Variants in TSHZ2 observed in about 807,000 individuals in gnomAD.
TSHZ2 encodes the protein teashirt zinc finger homeobox 2.
Under a neutral mutation model 74.4 loss-of-function variants are expected in TSHZ2, and 21 were observed. The ratio of observed to expected loss-of-function variants is 0.28; its 90% CI spans 0.20 to 0.41. TSHZ2 has a LOEUF of 0.41. Ranked by LOEUF, TSHZ2 falls within the 10% of genes least tolerant of loss-of-function variation. TSHZ2 has a pLI of 1.00. For synonymous variants in TSHZ2, 540 were observed against 515.3 expected (o/e 1.05, Z -0.65); for missense variants, 1,244 against 1,293.5 (o/e 0.96, Z 0.59).
intron 1 of TSHZ2, among the ~76,000 whole-genome samples, chr20:52,991,082 G>T (rs1237168974): frequency 6.6e-6 from 1 of 152,146 alleles, no homozygotes; most frequent in African/African-American, 2.4e-5. Context: ...TGTGTGTGTT[G>T]TGGCAGGGGA....
intron 2 of TSHZ2, among the ~76,000 whole-genome samples, chr20:53,466,498 C>T (rs1330046897): frequency 1.3e-5 from 2 of 152,102 alleles, no homozygotes; most frequent in Non-Finnish European, 2.9e-5. Flanking sequence ...ATGTTGTTGG[C>T]GGTTTGGACT....
intron 2 of TSHZ2, among the ~76,000 whole-genome samples, chr20:53,307,261 C>G (rs1205094881): frequency 6.6e-6 from 1 of 152,090 alleles, no homozygotes; most frequent in Admixed American, 6.5e-5. Context: ...ACTTCCCTTC[C>G]CTGCCACTTC....
intron 2 of TSHZ2, among the ~76,000 whole-genome samples, chr20:53,389,454 A>T (rs1265099856): frequency 6.6e-6 from 1 of 152,264 alleles, no homozygotes; most frequent in Non-Finnish European, 1.5e-5. Context: ...AGGGATGGTC[A>T]TGGAAGACTT....
At chr20:53,281,229 G>A (rs931635642) in intron 2 of TSHZ2, among the ~76,000 whole-genome samples, 2 of 152,158 alleles carry the variant, frequency 1.3e-5, no homozygotes, top group Admixed American at 6.5e-5. Flanking sequence ...TCTTTTCTGA[G>A]AAACTGACAT....
At chr20:53,236,333 G>A (rs571250540) in intron 1 of TSHZ2, among the ~76,000 whole-genome samples, 2 of 152,242 alleles carry the variant, frequency 1.3e-5, no homozygotes, top group Admixed American at 1.3e-4. Flanking sequence ...GTTTGTTATT[G>A]TTTGCTTACT....
chr20:53,483,624 G>T (rs1986217879), intron 2 of TSHZ2, among the ~76,000 whole-genome samples: 1 of 152,160 alleles, frequency 6.6e-6, no homozygotes, highest in Non-Finnish European at 1.5e-5. Flanking sequence ...GTATATTTGT[G>T]AATCTTAAAT....
intron 1 of TSHZ2, among the ~76,000 whole-genome samples, chr20:53,046,640 AAAAACAAAAC>A (rs569453476): frequency 6.6e-6 from 1 of 152,108 alleles, no homozygotes; most frequent in African/African-American, 2.4e-5. Flanking sequence ...TTTGATTAAA[AAAAACAAAAC>A]AAAACAAAAC....
chr20:53,129,814 C>A (rs932432713), intron 1 of TSHZ2, among the ~76,000 whole-genome samples: 28 of 148,492 alleles, frequency 1.9e-4, no homozygotes, highest in African/African-American at 6.8e-4. Flanking sequence ...TTTTCTGTGG[C>A]CAGCGCTGGC....
intron 2 of TSHZ2, chr20:53,398,082 A>T (rs1982522401): frequency 1.3e-5 from 2 of 152,344 alleles, no homozygotes; most frequent in South Asian, 4.1e-4. Flanking sequence ...ATACATATGT[A>T]ACAAACCTGC....
At chr20:53,417,656 A>G (rs943596042) in intron 2 of TSHZ2, among the ~76,000 whole-genome samples, 5 of 152,034 alleles carry the variant, frequency 3.3e-5, no homozygotes, top group African/African-American at 9.7e-5. Context: ...TCCCTTCATA[A>G]CCTATTCTAA....
intron 1 of TSHZ2, among the ~76,000 whole-genome samples, chr20:53,044,099 C>T (rs1201691783): frequency 6.6e-6 from 1 of 152,162 alleles, no homozygotes; most frequent in Non-Finnish European, 1.5e-5. Flanking sequence ...GGGTGAGTAT[C>T]CCTTGTTTGA....
At chr20:53,471,759 A>G (rs149927851) in intron 2 of TSHZ2, among the ~76,000 whole-genome samples, 60 of 149,048 alleles carry the variant, frequency 4.0e-4, no homozygotes, top group African/African-American at 1.4e-3. Context: ...AGGACATTAA[A>G]ACAAGTTTGT....
intron 2 of TSHZ2, among the ~76,000 whole-genome samples, chr20:53,361,627 G>A (rs559720549): frequency 1.3e-5 from 2 of 152,028 alleles, no homozygotes; most frequent in South Asian, 2.1e-4. Flanking sequence ...GAATAATATC[G>A]CCCTTAGTCA....
chr20:53,402,650 C>T (rs761497943), intron 2 of TSHZ2, among the ~76,000 whole-genome samples: 2 of 152,116 alleles, frequency 1.3e-5, no homozygotes, highest in Non-Finnish European at 2.9e-5. Context: ...ATGGGGTAAC[C>T]AAAGAGATCA....
At chr20:53,475,301 A>G (rs1985961542) in intron 2 of TSHZ2, among the ~76,000 whole-genome samples, 1 of 109,386 alleles carries the variant, frequency 9.1e-6, no homozygotes, top group South Asian at 3.5e-4. Flanking sequence ...AAATTATAAC[A>G]AACTATCTCT....
chr20:53,035,074 C>T lies in TSHZ2; in HGVS notation c.40+61741C>T, dbSNP rs138474386. 2.2e-4 allele frequency among the ~76,000 whole-genome samples: 33 copies of T among 152,248 alleles called. No homozygotes were observed. In the South Asian group the frequency reaches 2.9e-3, roughly 13 times the overall value. On this transcript the variant is annotated intron_variant, in intron 1 of 2. Transcript: ENST00000371497. ...TGAGGGAGGCATGAACGACTTAGGA[C>T]GTGGTTTGCAGGCAGCACCACAGGA... is the stretch of plus-strand genomic sequence containing the variant.
rs1986483471 is a variant in TSHZ2, at chr20:53,492,814, C to G, written c.*5679C>G. On this transcript the variant is annotated 3_prime_UTR_variant, in exon 3 of 3. Coordinates refer to ENST00000371497, the MANE Select transcript of TSHZ2 (RefSeq NM_173485.6). ...TAGAAAGGGCAGGGGGGAAGTGGGTCAGAGCAAGGTTCAAGAATCACATTC... is the reference window on the plus strand; with the variant it reads ...TAGAAAGGGCAGGGGGGAAGTGGGTGAGAGCAAGGTTCAAGAATCACATTC... The G allele has an allele frequency of 6.6e-6, 1 of 152,082 alleles. No individual in the cohort carries two copies. The highest frequency in any genetic ancestry group is 6.6e-5 in the Admixed American group (1 of 15,254). The allele number at this position is 152,082 out of a possible 1,614,324, so 9.4% of individuals were successfully genotyped here.
chr20:53,186,769 G>C (rs113162071), intron 1 of TSHZ2, among the ~76,000 whole-genome samples: 154 of 152,206 alleles, frequency 1.0e-3, no homozygotes, highest in African/African-American at 3.4e-3. Flanking sequence ...CAACCACACG[G>C]GGGAGGGAGG....
At chr20:52,998,389 G>C (rs1048197802) in intron 1 of TSHZ2, among the ~76,000 whole-genome samples, 1 of 152,140 alleles carries the variant, frequency 6.6e-6, no homozygotes, top group African/African-American at 2.4e-5. Flanking sequence ...GGCTGGTCTC[G>C]AATTCCTGAC....
Sources: allele counts gnomAD v4.1 joint callset (sites outside exome capture counted in the v4.1 genomes callset), GRCh38; gene constraint gnomAD v4.1.1; transcripts MANE v1.5; gene names NCBI Gene and HGNC (gene_info 2026-07-23, HGNC 2026-07-21).